TASP1: variants seen among roughly 807,000 people sequenced by gnomAD.
TASP1 encodes the protein threonine aspartase 1.
A neutral mutation model predicts 56.6 loss-of-function variants in TASP1; 16 were observed. The observed-to-expected ratio is 0.28, with a 90% CI of 0.19 to 0.43. The LOEUF is 0.43. TASP1 is among the 20% of genes least tolerant of loss of function. The probability of loss-of-function intolerance (pLI) is 1.00; values close to 1 mark genes in which losing one functional copy is unlikely to be tolerated. For synonymous variants in TASP1, 179 were observed against 184.2 expected, an observed-to-expected ratio of 0.97 and a Z score of 0.23; for missense variants, 393 against 511.6, an observed-to-expected ratio of 0.77 and a Z score of 2.24.
At chr20:13,227,590 ACT>A in the TASP1 span, among the ~76,000 whole-genome samples, 2 of 122,526 alleles carry the variant, frequency 1.6e-5, no homozygotes, top group African/African-American at 6.3e-5. Context: ...CTCACTTCAA[ACT>A]CTGCCTCCTG....
At chr20:13,564,930 C>T (rs61524044) in intron 7 of TASP1, among the ~76,000 whole-genome samples, 3,084 of 149,626 alleles carry the variant, frequency 0.021, 109 homozygotes, top group African/African-American at 0.071. Flanking sequence ...TGTTTGAGCC[C>T]GGGAAGCGGA....
chr20:13,208,567 T>A, the TASP1 span, among the ~76,000 whole-genome samples: 1 of 152,218 alleles, frequency 6.6e-6, no homozygotes, highest in South Asian at 2.1e-4. Flanking sequence ...GCTCACACTT[T>A]AAGTCTAGGC....
At chr20:13,222,493 T>A in the TASP1 span, among the ~76,000 whole-genome samples, 2 of 151,912 alleles carry the variant, frequency 1.3e-5, no homozygotes, top group Admixed American at 6.6e-5. Flanking sequence ...TCGCCTGAGG[T>A]TCCCCCCTCC....
chr20:13,504,340 C>G (rs1005269542), intron 10 of TASP1, among the ~76,000 whole-genome samples: 1 of 151,934 alleles, frequency 6.6e-6, no homozygotes, highest in Non-Finnish European at 1.5e-5. Flanking sequence ...AAACAAAATC[C>G]TGCCAACCGA....
the TASP1 span, among the ~76,000 whole-genome samples, chr20:13,330,528 T>A: frequency 6.6e-6 from 1 of 152,174 alleles, no homozygotes; most frequent in Non-Finnish European, 1.5e-5. Context: ...ACTGGCCCCA[T>A]AAAAAATTGG....
the TASP1 span, among the ~76,000 whole-genome samples, chr20:13,223,281 A>G: frequency 1.3e-5 from 2 of 152,116 alleles, no homozygotes; most frequent in African/African-American, 4.8e-5. Context: ...CACTTTTTAC[A>G]TCTTTATACA....
At chr20:13,165,061 G>A in the TASP1 span, 5 of 528,962 alleles carry the variant, frequency 9.5e-6, no homozygotes, top group Non-Finnish European at 1.3e-5. Flanking sequence ...CATGATTCCA[G>A]ATTTAAGTCT....
chr20:13,370,931 C>T, the TASP1 span, among the ~76,000 whole-genome samples: 1 of 152,092 alleles, frequency 6.6e-6, no homozygotes, highest in African/African-American at 2.4e-5. Flanking sequence ...TCAATTTCAT[C>T]TAAGTTGTCT....
At chr20:13,305,952 G>A in the TASP1 span, among the ~76,000 whole-genome samples, 1 of 152,192 alleles carries the variant, frequency 6.6e-6, no homozygotes, top group African/African-American at 2.4e-5. Flanking sequence ...GGGAATGAGT[G>A]GGGCACTGGA....
the TASP1 span, among the ~76,000 whole-genome samples, chr20:13,372,737 C>T: frequency 2.0e-5 from 3 of 151,386 alleles, no homozygotes; most frequent in African/African-American, 7.3e-5. Flanking sequence ...TTTGCATTGT[C>T]AGTATCTCTA....
At chr20:13,552,653 A>G (rs1161800335) in intron 8 of TASP1, among the ~76,000 whole-genome samples, 1 of 152,168 alleles carries the variant, frequency 6.6e-6, no homozygotes, top group Non-Finnish European at 1.5e-5. Context: ...ACACTGAAAG[A>G]GCAAAAGGTA....
the TASP1 span, among the ~76,000 whole-genome samples, chr20:13,185,983 AGG>A: frequency 6.6e-6 from 1 of 152,166 alleles, no homozygotes; most frequent in South Asian, 2.1e-4. Flanking sequence ...CTGGGCATCC[AGG>A]GGCATCCAGG....
At chr20:13,606,570 G>A (rs1012066593) in intron 4 of TASP1, among the ~76,000 whole-genome samples, 1 of 152,124 alleles carries the variant, frequency 6.6e-6, no homozygotes, top group Non-Finnish European at 1.5e-5. Flanking sequence ...CACTTTGGGA[G>A]GCTAAAGTGG....
the TASP1 span, among the ~76,000 whole-genome samples, chr20:13,233,881 C>T: frequency 6.6e-6 from 1 of 152,142 alleles, no homozygotes; most frequent in South Asian, 2.1e-4. Context: ...ATCTACAGAC[C>T]ACCAGTATTA....
At chr20:13,197,555 T>G in the TASP1 span, among the ~76,000 whole-genome samples, 1 of 152,182 alleles carries the variant, frequency 6.6e-6, no homozygotes, top group Non-Finnish European at 1.5e-5. Context: ...CACTCTTCAC[T>G]CACAACAATT....
chr20:13,117,083 C>A, the TASP1 span, among the ~76,000 whole-genome samples: 1 of 152,134 alleles, frequency 6.6e-6, no homozygotes, highest in Non-Finnish European at 1.5e-5. Flanking sequence ...ATTCAAGCAC[C>A]AAATTTAAGT....
chr20:13,254,453 T>C, the TASP1 span, among the ~76,000 whole-genome samples: 1 of 150,898 alleles, frequency 6.6e-6, no homozygotes, highest in Admixed American at 6.6e-5. Context: ...GAGAGCAAAA[T>C]ACCTGCCCCC....
intron 5 of TASP1, among the ~76,000 whole-genome samples, chr20:13,586,221 G>C (rs1323424673): frequency 7.7e-6 from 1 of 129,232 alleles, no homozygotes; most frequent in African/African-American, 2.9e-5. Flanking sequence ...TCTACCAAAA[G>C]ACATGTAAAA....
chr20:13,194,548 TGTGTGTG>T, the TASP1 span, among the ~76,000 whole-genome samples: 1 of 1,806 alleles, frequency 5.5e-4, no homozygotes, highest in African/African-American at 1.1e-3. Context: ...AAGAAATGTG[TGTGTGTG>T]TGTGTGTGTG....
Sources: gnomAD v4.1 joint callset for allele counts (sites outside exome capture counted in the v4.1 genomes callset) on GRCh38, gnomAD v4.1.1 for gene constraint, MANE v1.5 for transcripts, NCBI Gene and HGNC (gene_info 2026-07-23, HGNC 2026-07-21) for gene names.